The following CYP27A1 variants were observed in gnomAD, a reference collection of about 807,000 sequenced individuals.
CYP27A1 encodes sterol 26-hydroxylase, mitochondrial.
A neutral mutation model predicts 58.2 loss-of-function variants in CYP27A1; 46 were observed. The observed-to-expected ratio is 0.79, with a 90% CI of 0.62 to 1.01. The LOEUF (loss-of-function observed/expected upper bound fraction) is 1.01, where lower values mean the gene tolerates loss of function less well. Among genes scored for constraint, CYP27A1 ranks in the 50% least tolerant of loss-of-function variants. CYP27A1 has a pLI of 0.00. For synonymous variants in CYP27A1, 274 were observed against 285.1 expected, an observed-to-expected ratio of 0.96 and a Z score of 0.39; for missense variants, 704 against 687.0, an observed-to-expected ratio of 1.02 and a Z score of -0.28.
chr2:218,812,434 G>A lies in CYP27A1; in HGVS notation c.646+13G>A. 6.2e-7 allele frequency: 1 copy of A among 1,614,060 alleles called. No homozygotes were observed. ...TTTGCCTTGGAAGGTACCCTTGCTG[G>A]GAGAGGGGCTGGGGAAGGGAATGGG... On this transcript the variant is annotated intron_variant, in intron 3 of 8. Transcript: ENST00000258415.
At chr2:218,797,825 G>A (rs539938214) in intron 1 of CYP27A1, among the ~76,000 whole-genome samples, 2 of 152,272 alleles carry the variant, frequency 1.3e-5, no homozygotes, top group East Asian at 1.9e-4. Flanking sequence ...TTATTTCAAT[G>A]CTCAATTTAC....
rs140508320 is a variant in CYP27A1, at chr2:218,812,711, A to G, written c.806A>G (p.Lys269Arg). The change falls in exon 4 of 9, where the codon AAG becomes AGG. Residue 269 changes from lysine to arginine, a missense_variant. Physicochemically the swap from Lys to Arg is conservative, Grantham distance 26. Coordinates refer to ENST00000258415, the MANE Select transcript of CYP27A1 (RefSeq NM_000784.4). ...KWTRPVLPFW[K>R]RYLDGWNAIF... ...ACTCGCCCCGTGCTGCCTTTCTGGAAGCGATACCTGGATGGTTGGAATGCC... is the reference window on the plus strand; with the variant it reads ...ACTCGCCCCGTGCTGCCTTTCTGGAGGCGATACCTGGATGGTTGGAATGCC... 2.5e-6 allele frequency: 4 copies of G among 1,614,054 alleles called. No homozygotes were observed. Among genetic ancestry groups the G allele is most frequent in the Non-Finnish European group, 3.4e-6 (4 of 1,180,044 alleles).
intron 1 of CYP27A1, among the ~76,000 whole-genome samples, chr2:218,791,036 A>G (rs968904950): frequency 4.6e-5 from 7 of 151,942 alleles, no homozygotes; most frequent in Admixed American, 1.3e-4. Flanking sequence ...GGGCTTCACC[A>G]TGTTGGCCAG....
At chr2:218,812,002 C>T (rs1437109557) in intron 2 of CYP27A1, among the ~76,000 whole-genome samples, 1 of 152,140 alleles carries the variant, frequency 6.6e-6, no homozygotes, top group African/African-American at 2.4e-5. Flanking sequence ...TCTAGATGCC[C>T]GCCATACCCA....
rs1448660144 is a variant in CYP27A1, at chr2:218,812,763, G to C, written c.844+14G>C. 5 of 1,614,020 alleles carry C rather than the reference G, an allele frequency of 3.1e-6. No individual in the cohort carries two copies. In the African/African-American group the frequency reaches 4.0e-5, roughly 13 times the overall value. ...TCTTTTCCTTTGGTGAGGACTCCCA[G>C]ATGGGGCCCAGGGAAGAGAGATGGG... On this transcript the variant is annotated intron_variant, in intron 4 of 8. Coordinates refer to ENST00000258415, the MANE Select transcript of CYP27A1 (RefSeq NM_000784.4).
chr2:218,807,149 C>T (rs976474940), intron 1 of CYP27A1, among the ~76,000 whole-genome samples: 42 of 151,628 alleles, frequency 2.8e-4, no homozygotes, highest in African/African-American at 8.2e-4. Flanking sequence ...TTAGTAGAGA[C>T]GGCGTTTCAC....
chr2:218,810,115 C>T (rs1193772625), intron 2 of CYP27A1, among the ~76,000 whole-genome samples: 1 of 151,952 alleles, frequency 6.6e-6, no homozygotes, highest in Non-Finnish European at 1.5e-5. Context: ...CCCGTCTCTA[C>T]TAAAAACACA....
intron 1 of CYP27A1, among the ~76,000 whole-genome samples, chr2:218,795,959 C>T (rs1198577991): frequency 6.6e-6 from 1 of 152,106 alleles, no homozygotes; most frequent in Non-Finnish European, 1.5e-5. Context: ...AAAGCTGAGC[C>T]CAGCCATGGG....
intron 1 of CYP27A1, among the ~76,000 whole-genome samples, chr2:218,788,836 T>C (rs1026161582): frequency 6.6e-6 from 1 of 152,334 alleles, no homozygotes; most frequent in South Asian, 2.1e-4. Flanking sequence ...ATTAGATAGA[T>C]TTTCTTCCTT....
At chr2:218,788,755 T>C (rs1465328670) in intron 1 of CYP27A1, among the ~76,000 whole-genome samples, 1 of 152,220 alleles carries the variant, frequency 6.6e-6, no homozygotes, top group Non-Finnish European at 1.5e-5. Flanking sequence ...TTGGCTTCCT[T>C]CTTCTGGATT....
chr2:218,813,125 G>A (rs1423066901), intron 5 of CYP27A1, 29 bp downstream of exon 5: 2 of 1,586,574 alleles, frequency 1.3e-6, no homozygotes, highest in Non-Finnish European at 1.7e-6. Context: ...TGAGACCAGG[G>A]GCCCCCAGCT....
Position 218,815,184 on chromosome 2 carries a change from C to A in CYP27A1, c.*154C>A. ...TCCTTGCACACACCCTGAGCTTTTG[C>A]CACTTCTATCATTTTTGAGCAACTC... On this transcript the variant is annotated 3_prime_UTR_variant, in exon 9 of 9. Coordinates refer to ENST00000258415, the MANE Select transcript of CYP27A1 (RefSeq NM_000784.4). The A allele has an allele frequency of 1.2e-6, 1 of 825,248 alleles. No individual in the cohort carries two copies. The highest frequency in any genetic ancestry group is 2.0e-6 in the Non-Finnish European group (1 of 511,772). 51.1% of individuals were successfully genotyped at this position (825,248 alleles called of 1,614,324 possible).
rs57956133 is a variant in CYP27A1, at chr2:218,809,442, CTTTTTTTTTTTT to C, written c.256-124_256-113del. The C allele has an allele frequency of 3.0e-5, 11 of 370,628 alleles. 2 individuals carry two copies. Among genetic ancestry groups the C allele is most frequent in the Non-Finnish European group, 4.4e-5 (9 of 205,388 alleles). 23.0% of individuals were successfully genotyped at this position (370,628 alleles called of 1,614,324 possible). Reference sequence around the variant, plus strand: ...TGGTGCCTACATCATACACAATGCCCTTTTTTTTTTTTTTTTTTTTTTGCCCAGCTCATTTGC... The same window carrying C: ...TGGTGCCTACATCATACACAATGCCCTTTTTTTTTTGCCCAGCTCATTTGC... On this transcript the variant is annotated intron_variant, in intron 1 of 8. Transcript: ENST00000258415.
In CYP27A1 at chr2:218,814,688, T is replaced by C. The variant is rs1423547583; in HGVS notation, c.1407T>C (p.Phe469=). 1.2e-6 allele frequency: 2 copies of C among 1,614,058 alleles called. No individual in the cohort carries two copies. The highest frequency in any genetic ancestry group is 1.7e-5 in the Admixed American group (1 of 60,006). Residue 469 remains phenylalanine (F), a synonymous_variant, in exon 8 of 9, where the codon TTT becomes TTC. Coordinates refer to ENST00000258415, the MANE Select transcript of CYP27A1 (RefSeq NM_000784.4). ...RIQHPFGSVP[F]GYGVRACLGR... ...AGCACCCATTTGGCTCTGTGCCCTT[T>C]GGCTATGGGGTCCGGGCCTGCCTGG...
intron 1 of CYP27A1, among the ~76,000 whole-genome samples, chr2:218,803,673 C>T (rs1370828821): frequency 2.7e-5 from 4 of 148,378 alleles, no homozygotes; most frequent in East Asian, 4.0e-4. Flanking sequence ...CTGTCCACTT[C>T]GGCCTCTCAA....
rs151064520 is a variant in CYP27A1, at chr2:218,814,107, G to A, written c.1104G>A (p.Val368=). Residue 368 remains valine, a synonymous_variant, in exon 6 of 9, where the codon GTG becomes GTA. Coordinates refer to ENST00000258415, the MANE Select transcript of CYP27A1 (RefSeq NM_000784.4). ...CCTTGCACGAGGAAGTGGTGGGTGT[G>A]GTGCCAGCCGGGCAAGTGCCCCAGC... ...QEALHEEVVG[V]VPAGQVPQHK... 237 of 1,614,250 alleles carry A rather than the reference G, an allele frequency of 1.5e-4. 1 individual carries two copies. The African/African-American group carries it at 2.5e-3, about 17-fold the overall frequency.
chr2:218,810,495 T>C lies in CYP27A1; in HGVS notation c.446+728T>C, dbSNP rs1321184738. ...ATATCATATGCATGCATTTAAAAGCTCTTTTGTGAATCTTTGAGTCAGATG... is the reference window on the plus strand; with the variant it reads ...ATATCATATGCATGCATTTAAAAGCCCTTTTGTGAATCTTTGAGTCAGATG... On this transcript the variant is annotated intron_variant, in intron 2 of 8. Transcript: ENST00000258415. Among the ~76,000 whole-genome samples, 3 of 152,170 alleles carry C rather than the reference T, an allele frequency of 2.0e-5. No individual in the cohort carries two copies. The East Asian group carries it at 5.8e-4, about 29-fold the overall frequency.
At chr2:218,795,613 TAC>T (rs1455062898) in intron 1 of CYP27A1, among the ~76,000 whole-genome samples, 1 of 152,212 alleles carries the variant, frequency 6.6e-6, no homozygotes, top group Non-Finnish European at 1.5e-5. Flanking sequence ...CCCAGATTTT[TAC>T]ATTATCCATC....
chr2:218,812,017 C>A (rs1004554888), intron 2 of CYP27A1, among the ~76,000 whole-genome samples: 4 of 152,214 alleles, frequency 2.6e-5, no homozygotes, highest in Non-Finnish European at 4.4e-5. Flanking sequence ...TACCCACTTC[C>A]ACTCTGCTAT....
Sources: allele counts gnomAD v4.1 joint callset (sites outside exome capture counted in the v4.1 genomes callset), GRCh38; gene constraint gnomAD v4.1.1; transcripts MANE v1.5; gene names NCBI Gene and HGNC (gene_info 2026-07-23, HGNC 2026-07-21).